Variants in TBC1D22A observed in about 807,000 individuals in gnomAD.
TBC1D22A encodes TBC1 domain family member 22A.
A neutral mutation model predicts 60.2 loss-of-function variants in TBC1D22A; 38 were observed. The observed-to-expected ratio is 0.63, with a 90% CI of 0.49 to 0.83. The LOEUF (loss-of-function observed/expected upper bound fraction) is 0.83, where lower values mean the gene tolerates loss of function less well. Ranked by LOEUF, TBC1D22A falls within the 40% of genes least tolerant of loss-of-function variation. The pLI, the probability that TBC1D22A is intolerant of heterozygous loss-of-function variation, is 0.00. For synonymous variants in TBC1D22A, 302 were observed against 281.7 expected, an observed-to-expected ratio of 1.07 and a Z score of -0.72; for missense variants, 628 against 701.0, an observed-to-expected ratio of 0.90 and a Z score of 1.18.
intron 11 of TBC1D22A, among the ~76,000 whole-genome samples, chr22:47,083,315 A>T (rs190926838): frequency 8.5e-4 from 128 of 151,466 alleles, no homozygotes; most frequent in Non-Finnish European, 1.5e-3. Context: ...TATTAAAATC[A>T]TGTAAAATGT....
At chr22:46,889,952 A>T (rs1348522967) in intron 5 of TBC1D22A, among the ~76,000 whole-genome samples, 1 of 152,110 alleles carries the variant, frequency 6.6e-6, no homozygotes, top group Non-Finnish European at 1.5e-5. Flanking sequence ...CACCAAACTG[A>T]TTGCTTAAAA....
At chr22:47,050,579 G>C (rs112521198) in intron 11 of TBC1D22A, among the ~76,000 whole-genome samples, 1 of 152,220 alleles carries the variant, frequency 6.6e-6, no homozygotes, top group Non-Finnish European at 1.5e-5. Flanking sequence ...TTGGGACCGC[G>C]TGTGAGGCCT....
intron 10 of TBC1D22A, among the ~76,000 whole-genome samples, chr22:47,032,911 C>T (rs936912868): frequency 2.6e-5 from 4 of 152,330 alleles, no homozygotes; most frequent in East Asian, 1.9e-4. Flanking sequence ...TTCACACTGC[C>T]GTCCCAGGCT....
At chr22:46,941,208 T>TATAC (rs1555959657) in intron 8 of TBC1D22A, among the ~76,000 whole-genome samples, 1 of 84,848 alleles carries the variant, frequency 1.2e-5, no homozygotes. Context: ...TATATATGTA[T>TATAC]ACACACACAC....
At chr22:46,918,249 T>C (rs1009054872) in intron 8 of TBC1D22A, among the ~76,000 whole-genome samples, 2 of 152,242 alleles carry the variant, frequency 1.3e-5, no homozygotes, top group African/African-American at 4.8e-5. Flanking sequence ...GCTCTGTCCC[T>C]GTCCTAGGTT....
At chr22:46,937,046 C>T (rs570296248) in intron 8 of TBC1D22A, among the ~76,000 whole-genome samples, 9 of 152,130 alleles carry the variant, frequency 5.9e-5, no homozygotes, top group African/African-American at 1.7e-4. Context: ...TGAGGAGGGC[C>T]GCAGGGATTT....
At chr22:46,819,833 T>A (rs568958444) in intron 4 of TBC1D22A, among the ~76,000 whole-genome samples, 1 of 152,338 alleles carries the variant, frequency 6.6e-6, no homozygotes, top group East Asian at 1.9e-4. Flanking sequence ...TCTTTGTATT[T>A]CTGGTAGAAT....
chr22:46,970,010 C>T (rs547372088), intron 8 of TBC1D22A, among the ~76,000 whole-genome samples: 1 of 152,230 alleles, frequency 6.6e-6, no homozygotes, highest in East Asian at 1.9e-4. Flanking sequence ...TCTGTCATGG[C>T]TCCCAGGCTG....
chr22:46,779,363 C>T (rs1007105456), intron 1 of TBC1D22A, among the ~76,000 whole-genome samples: 1 of 152,234 alleles, frequency 6.6e-6, no homozygotes, highest in East Asian at 1.9e-4. Flanking sequence ...GGCTTGACTT[C>T]TCTGTGTTGG....
At chr22:47,027,094 T>C (rs6008027) in intron 10 of TBC1D22A, among the ~76,000 whole-genome samples, 2,190 of 152,308 alleles carry the variant, frequency 0.014, 58 homozygotes, top group African/African-American at 0.05. Flanking sequence ...AAGAGAGTGC[T>C]GAGAAATGGA....
At chr22:47,122,551 C>T (rs2147761042) in intron 12 of TBC1D22A, among the ~76,000 whole-genome samples, 1 of 152,322 alleles carries the variant, frequency 6.6e-6, no homozygotes, top group South Asian at 2.1e-4. Flanking sequence ...CCATGTATGG[C>T]CACCTGATGA....
intron 10 of TBC1D22A, among the ~76,000 whole-genome samples, chr22:47,026,477 T>C (rs1293980124): frequency 5.9e-5 from 9 of 152,238 alleles, no homozygotes; most frequent in Admixed American, 5.9e-4. Flanking sequence ...TCTCTGCTTT[T>C]GCAGACAACA....
intron 1 of TBC1D22A, among the ~76,000 whole-genome samples, chr22:46,791,025 C>T (rs1018681221): frequency 7.9e-5 from 12 of 151,964 alleles, no homozygotes; most frequent in Admixed American, 6.6e-4. Context: ...CAGGCTCAAG[C>T]GATCATCCGG....
intron 4 of TBC1D22A, among the ~76,000 whole-genome samples, chr22:46,852,255 T>C (rs11913316): frequency 0.14 from 21,584 of 152,232 alleles, 1,866 homozygotes; most frequent in African/African-American, 0.24. Context: ...TGAAGCTCTT[T>C]GGAGGCTCCC....
chr22:47,094,648 A>G (rs2065101035), intron 11 of TBC1D22A, among the ~76,000 whole-genome samples: 1 of 152,236 alleles, frequency 6.6e-6, no homozygotes, highest in Non-Finnish European at 1.5e-5. Flanking sequence ...TGACTGATAC[A>G]TCAACCAAAG....
At position 46,762,692 on chromosome 22, in the gene TBC1D22A, T is replaced by G; in HGVS notation, c.-95T>G. The G allele has an allele frequency of 1.8e-6, 2 of 1,107,486 alleles. No homozygotes were observed. The highest frequency in any genetic ancestry group is 2.4e-6 in the Non-Finnish European group (2 of 827,636). 68.6% of individuals were successfully genotyped at this position (1,107,486 alleles called of 1,614,324 possible). ...CTAGGCTCTGGAGTCCCGGGAGCAG[T>G]GAGGGGCCACCCGGGGCACAGGAAA... On this transcript the variant is annotated 5_prime_UTR_variant, in exon 1 of 13. Transcript: ENST00000337137.
intron 9 of TBC1D22A, among the ~76,000 whole-genome samples, chr22:46,975,654 G>A (rs2074267458): frequency 6.6e-6 from 1 of 152,186 alleles, no homozygotes; most frequent in South Asian, 2.1e-4. Context: ...TGCGGTAAAG[G>A]TTGTTCCTGA....
intron 11 of TBC1D22A, among the ~76,000 whole-genome samples, chr22:47,101,500 C>G (rs1420651185): frequency 6.6e-6 from 1 of 152,262 alleles, no homozygotes; most frequent in Non-Finnish European, 1.5e-5. Context: ...CAGCGACCAG[C>G]TGCCTCAGCC....
chr22:47,079,125 C>T (rs568959082), intron 11 of TBC1D22A, among the ~76,000 whole-genome samples: 1 of 138,832 alleles, frequency 7.2e-6, no homozygotes, highest in South Asian at 2.3e-4. Flanking sequence ...CTTACTCTGT[C>T]ACCCAGGCTG....
Sources: gnomAD v4.1 joint callset for allele counts (sites outside exome capture counted in the v4.1 genomes callset) on GRCh38, gnomAD v4.1.1 for gene constraint, MANE v1.5 for transcripts, NCBI Gene and HGNC (gene_info 2026-07-23, HGNC 2026-07-21) for gene names.